PTPRN2: variants seen among roughly 807,000 people sequenced by gnomAD.
The protein encoded by PTPRN2 is receptor-type tyrosine-protein phosphatase N2.
In PTPRN2, 74 loss-of-function variants were observed where a neutral mutation model predicts 118.8. The ratio of observed to expected loss-of-function variants is 0.62; its 90% CI spans 0.52 to 0.76. The LOEUF (loss-of-function observed/expected upper bound fraction) is 0.76. Ranked by LOEUF, PTPRN2 falls within the 30% of genes least tolerant of loss-of-function variation. The probability of loss-of-function intolerance (pLI) is 0.00; values close to 1 mark genes in which losing one functional copy is unlikely to be tolerated. For synonymous variants in PTPRN2, 641 were observed against 608.0 expected, an observed-to-expected ratio of 1.05 and a Z score of -0.80; for missense variants, 1,481 against 1,394.4, an observed-to-expected ratio of 1.06 and a Z score of -0.99.
At chr7:158,223,152 T>G (rs1341797168) in intron 3 of PTPRN2, among the ~76,000 whole-genome samples, 1 of 152,198 alleles carries the variant, frequency 6.6e-6, no homozygotes, top group African/African-American at 2.4e-5. Context: ...TGAATACTTC[T>G]ACACTATTAA....
At chr7:158,523,434 G>GTCA (rs1234821124) in intron 1 of PTPRN2, among the ~76,000 whole-genome samples, 3 of 123,676 alleles carry the variant, frequency 2.4e-5, no homozygotes, top group South Asian at 5.8e-4. Flanking sequence ...CTGAAGCGGA[G>GTCA]TCTGCCCTGG....
intron 4 of PTPRN2, among the ~76,000 whole-genome samples, chr7:158,204,187 T>G (rs530831741): frequency 6.8e-6 from 1 of 147,516 alleles, no homozygotes; most frequent in Admixed American, 6.7e-5. Context: ...GCCGCCGCCC[T>G]CAGCGTGCGC....
chr7:158,266,063 C>T (rs75081900), intron 3 of PTPRN2, among the ~76,000 whole-genome samples: 34,945 of 127,756 alleles, frequency 0.27, 1,376 homozygotes, highest in African/African-American at 0.34. Context: ...CTGGGGACGG[C>T]GTCTGCTGCG....
At chr7:158,186,660 G>A (rs1440830030) in intron 5 of PTPRN2, among the ~76,000 whole-genome samples, 1 of 151,626 alleles carries the variant, frequency 6.6e-6, no homozygotes, top group Non-Finnish European at 1.5e-5. Context: ...CCTCTGGCAT[G>A]AGCGCGCCTG....
intron 15 of PTPRN2, among the ~76,000 whole-genome samples, chr7:157,614,280 G>A (rs1563263990): frequency 6.6e-6 from 1 of 151,992 alleles, no homozygotes; most frequent in African/African-American, 2.4e-5. Flanking sequence ...TGTACACTCC[G>A]GGTTCTTGGG....
At position 158,460,258 on chromosome 7, in the gene PTPRN2, C is replaced by T. The variant is rs368016198; in HGVS notation, c.163+29477G>A. On this transcript the variant is annotated intron_variant, in intron 2 of 22. Coordinates refer to ENST00000389418, the MANE Select transcript of PTPRN2 (RefSeq NM_002847.5). The stretch of plus-strand genomic sequence containing the variant: ...CTACAGTGCCTGTGTGCCGTCAGCA[C>T]AGGAGGGTCATCCAGCTGCAGAATG... Among the ~76,000 whole-genome samples, 3 of 149,504 alleles carry T rather than the reference C, an allele frequency of 2.0e-5. No individual in the cohort carries two copies. The East Asian group carries it at 6.1e-4, about 30-fold the overall frequency.
At chr7:157,852,404 G>T (rs1038989977) in intron 12 of PTPRN2, among the ~76,000 whole-genome samples, 1 of 152,186 alleles carries the variant, frequency 6.6e-6, no homozygotes, top group Non-Finnish European at 1.5e-5. Context: ...ATGGAGATCT[G>T]CATGTTTTAA....
At position 157,690,947 on chromosome 7, in the gene PTPRN2, C is replaced by A. The variant is rs1332412431; in HGVS notation, c.1789-8010G>T. Among the ~76,000 whole-genome samples the A allele has an allele frequency of 1.4e-5, 2 of 145,726 alleles. No individual in the cohort carries two copies. Among genetic ancestry groups the A allele is most frequent in the African/African-American group, 4.9e-5 (2 of 40,594 alleles). Reference sequence around the variant, plus strand: ...GCTCCGGACGGTCCCGGTAGGGCCGCCGGCCGCGCGCGTAGCACCAACCAG... The same window carrying A: ...GCTCCGGACGGTCCCGGTAGGGCCGACGGCCGCGCGCGTAGCACCAACCAG... On this transcript the variant is annotated intron_variant, in intron 12 of 22. Coordinates refer to ENST00000389418, the MANE Select transcript of PTPRN2 (RefSeq NM_002847.5). The surrounding 1 kb of genome is among the most constrained non-coding windows in gnomAD (Gnocchi z 7.1).
intron 2 of PTPRN2, among the ~76,000 whole-genome samples, chr7:158,451,713 G>A (rs1818108605): frequency 6.6e-6 from 1 of 152,178 alleles, no homozygotes; most frequent in Non-Finnish European, 1.5e-5. Flanking sequence ...CAGAATCATT[G>A]CGCATTTGGT....
rs769321489 is a variant in PTPRN2 at position 157,682,956 on chromosome 7, G to A, written c.1789-19C>T. The A allele has an allele frequency of 1.9e-6, 3 of 1,577,802 alleles. No homozygotes were observed. The highest frequency in any genetic ancestry group is 2.2e-5 in the East Asian group (1 of 44,630). ...TGCTTTTCTGCAGAACAAGGAGAGAGGGGTGTGTTAGCTCCTGACAAAGCA... is the reference window on the plus strand; with the variant it reads ...TGCTTTTCTGCAGAACAAGGAGAGAAGGGTGTGTTAGCTCCTGACAAAGCA... On this transcript the variant is annotated intron_variant, in intron 12 of 22. Transcript: ENST00000389418.
intron 11 of PTPRN2, among the ~76,000 whole-genome samples, chr7:157,988,662 G>A (rs538926361): frequency 6.6e-5 from 10 of 152,312 alleles, no homozygotes; most frequent in Admixed American, 5.2e-4. Flanking sequence ...GGAGGGAACC[G>A]GGGGAGGGAT....
At chr7:158,393,429 G>C (rs958560148) in intron 2 of PTPRN2, among the ~76,000 whole-genome samples, 7 of 152,128 alleles carry the variant, frequency 4.6e-5, no homozygotes, top group Non-Finnish European at 5.9e-5. Flanking sequence ...GGACGACCCC[G>C]GGCAACTTCA....
chr7:158,337,512 C>G (rs1407603093), intron 2 of PTPRN2, among the ~76,000 whole-genome samples: 24 of 128,452 alleles, frequency 1.9e-4, no homozygotes, highest in East Asian at 4.5e-4. Flanking sequence ...CGCACCCACA[C>G]TCTCACCATA....
Position 158,167,080 on chromosome 7 carries a change from G to A in PTPRN2, c.761C>T (p.Pro254Leu), listed in dbSNP as rs779165756. The A allele has an allele frequency of 3.7e-6, 6 of 1,602,354 alleles. No individual in the cohort carries two copies. The Admixed American group carries it at 6.8e-5, about 18-fold the overall frequency. Residue 254 changes from proline (P) to leucine (L), a missense_variant, in exon 6 of 23, where the codon CCC (proline) becomes CTC (leucine). Pro to Leu is a moderately conservative substitution (Grantham distance 98, BLOSUM62 -3). Around this residue, in one of 3 missense-constraint regions of PTPRN2, gnomAD observed 1,115 missense variants for 994.2 expected, o/e 1.12. Transcript: ENST00000389418. Reference sequence around the variant, plus strand: ...GCTGCCCTCCCCGGGGGGAGCTGGGGGCCTCTGGGCAGCATAGGCACTGAG... The same window carrying A: ...GCTGCCCTCCCCGGGGGGAGCTGGGAGCCTCTGGGCAGCATAGGCACTGAG... ...AALSAYAAQR[P>L]PAPPGEGSLE...
Position 157,676,149 on chromosome 7 carries a change from C to T in PTPRN2, c.2001+6576G>A, listed in dbSNP as rs980800765. On this transcript the variant is annotated intron_variant, in intron 13 of 22. Coordinates refer to ENST00000389418, the MANE Select transcript of PTPRN2 (RefSeq NM_002847.5). The surrounding 1 kb of genome is among the most constrained non-coding windows in gnomAD (Gnocchi z 5.6). ...ACAACTTGCAGCCGAGTCCTTTCCA[C>T]GACACCCCAGCTCCCTGTCTAAACT... Among the ~76,000 whole-genome samples, 6 of 152,084 alleles carry T rather than the reference C, an allele frequency of 3.9e-5. No individual in the cohort carries two copies. Among genetic ancestry groups the T allele is most frequent in the East Asian group, 1.9e-4 (1 of 5,176 alleles).
chr7:158,080,314 CAAAAAAAA>C (rs556546951), intron 11 of PTPRN2, among the ~76,000 whole-genome samples: 27 of 72,184 alleles, frequency 3.7e-4, no homozygotes, highest in African/African-American at 9.3e-4. Flanking sequence ...CAAATTTAAG[CAAAAAAAA>C]AAAAAAAAAA....
chr7:157,699,861 A>G (rs1239722248), intron 12 of PTPRN2, among the ~76,000 whole-genome samples: 1 of 152,206 alleles, frequency 6.6e-6, no homozygotes, highest in African/African-American at 2.4e-5. Context: ...GAGCCGCCGC[A>G]TGTCCTCGGT....
chr7:157,844,849 G>A (rs777238207), intron 12 of PTPRN2, among the ~76,000 whole-genome samples: 2 of 152,190 alleles, frequency 1.3e-5, no homozygotes, highest in East Asian at 1.9e-4. Flanking sequence ...TCTGTCTACC[G>A]CAGAGTCCTG....
intron 11 of PTPRN2, among the ~76,000 whole-genome samples, chr7:158,059,582 C>T (rs1171137706): frequency 1.1e-5 from 1 of 91,234 alleles, no homozygotes; most frequent in Non-Finnish European, 2.1e-5. Context: ...CCCACGGTGA[C>T]ACATCACTGC....
Sources: gnomAD v4.1 joint callset for allele counts (sites outside exome capture counted in the v4.1 genomes callset) on GRCh38, gnomAD v4.1.1 for gene constraint, gnomAD v4.1.1 regional missense constraint, Gnocchi (gnomAD v3.1) non-coding constraint, MANE v1.5 for transcripts, NCBI Gene and HGNC (gene_info 2026-07-23, HGNC 2026-07-21) for gene names.